Variants in RPRD1A observed in about 807,000 individuals in gnomAD.
RPRD1A encodes the protein regulation of nuclear pre-mRNA domain containing 1A.
In RPRD1A, 9 loss-of-function variants were observed where a neutral mutation model predicts 37.8. The ratio of observed to expected loss-of-function variants is 0.24; its 90% CI spans 0.14 to 0.42. The LOEUF (loss-of-function observed/expected upper bound fraction) is 0.42. Ranked by LOEUF, RPRD1A falls within the 10% of genes least tolerant of loss-of-function variation. The probability of loss-of-function intolerance (pLI) is 1.00; values close to 1 mark genes in which losing one functional copy is unlikely to be tolerated. For synonymous variants in RPRD1A, 138 were observed against 139.7 expected (o/e 0.99, Z 0.08); for missense variants, 255 against 371.0 (o/e 0.69, Z 2.57).
At position 36,030,796 on chromosome 18, in the gene RPRD1A, TA is replaced by T; in HGVS notation, c.486+11del. ...AAAGTTTGTAACTCTTTTAACAGGGTAAAATTTCTACCTGTGGTGGTTCACT... is the reference window on the plus strand; with the variant it reads ...AAAGTTTGTAACTCTTTTAACAGGGTAAATTTCTACCTGTGGTGGTTCACT... On this transcript the variant is annotated intron_variant, in intron 4 of 6. Transcript: ENST00000399022. 1 of 1,552,186 alleles carries T rather than the reference TA, an allele frequency of 6.4e-7. No individual in the cohort carries two copies. The highest frequency in any genetic ancestry group is 8.8e-7 in the Non-Finnish European group (1 of 1,130,346).
At chr18:36,062,180 G>A (rs905613189) in intron 1 of RPRD1A, among the ~76,000 whole-genome samples, 9 of 151,452 alleles carry the variant, frequency 5.9e-5, no homozygotes, top group African/African-American at 1.2e-4. Context: ...AGCCGGGCGC[G>A]GTGGCGGGCG....
chr18:36,015,153 CACACATAT>C (rs1190634875), intron 6 of RPRD1A, among the ~76,000 whole-genome samples: 5 of 108,222 alleles, frequency 4.6e-5, no homozygotes, highest in Admixed American at 9.6e-5. Flanking sequence ...CACACACACA[CACACATAT>C]ATACACATAT....
intron 6 of RPRD1A, among the ~76,000 whole-genome samples, chr18:36,023,716 C>T (rs28705714): frequency 5.6e-4 from 85 of 152,266 alleles, no homozygotes; most frequent in Non-Finnish European, 9.4e-4. Flanking sequence ...CAATCACCAC[C>T]CTAATCAGTC....
At position 36,024,468 on chromosome 18, in the gene RPRD1A, G is replaced by T. The variant is rs567310839; in HGVS notation, c.789+2432C>A. Reference sequence around the variant, plus strand: ...ACCACACCCGGCCCAACAGTTATCTGCTTCTGCTTAGTAACCAACTATAGT... The same window carrying T: ...ACCACACCCGGCCCAACAGTTATCTTCTTCTGCTTAGTAACCAACTATAGT... On this transcript the variant is annotated intron_variant, in intron 6 of 6. Transcript: ENST00000399022. Among the ~76,000 whole-genome samples the T allele has an allele frequency of 7.9e-5, 12 of 152,036 alleles. No homozygotes were observed. In the South Asian group the frequency reaches 2.5e-3, roughly 32 times the overall value.
At position 36,027,299 on chromosome 18, in the gene RPRD1A, G is replaced by A. The variant is rs759905404; in HGVS notation, c.498C>T (p.Leu166=). 37 of 1,613,552 alleles carry A rather than the reference G, an allele frequency of 2.3e-5. No homozygotes were observed. The East Asian group carries it at 6.2e-4, about 27-fold the overall frequency. ...SPSEPPQTLD[L]VRALQDLENA... ...TTTCCAGATCTTGTAATGCTCTAAC[G>A]AGATCTAGAGTCTAAAAAGTACACA... Residue 166 remains leucine (L), a synonymous_variant, in exon 5 of 7, where the codon CTC becomes CTT. Coordinates refer to ENST00000399022, the MANE Select transcript of RPRD1A (RefSeq NM_018170.5).
chr18:36,025,369 T>G (rs1026428818), intron 6 of RPRD1A: 1 of 299,694 alleles, frequency 3.3e-6, no homozygotes, highest in South Asian at 3.1e-5. Flanking sequence ...ATTATTATCA[T>G]CAGCCTCATA....
intron 6 of RPRD1A, among the ~76,000 whole-genome samples, chr18:36,014,738 G>A (rs1301624568): frequency 3.9e-5 from 6 of 152,052 alleles, no homozygotes; most frequent in Non-Finnish European, 5.9e-5. Flanking sequence ...GCGAGACTCC[G>A]TCTCAAGAAA....
intron 1 of RPRD1A, among the ~76,000 whole-genome samples, chr18:36,065,394 G>A (rs574281769): frequency 3.9e-5 from 6 of 152,182 alleles, no homozygotes; most frequent in South Asian, 2.1e-4. Flanking sequence ...AGAACTTTTC[G>A]ATAGTATTAC....
chr18:36,030,664 T>G (rs946048504), intron 4 of RPRD1A, 144 bp downstream of exon 4: 2 of 585,128 alleles, frequency 3.4e-6, no homozygotes, highest in African/African-American at 3.7e-5. Flanking sequence ...AATTTGTTAA[T>G]GAGGAAGAGA....
At chr18:36,019,681 G>A (rs1243936755) in intron 6 of RPRD1A, among the ~76,000 whole-genome samples, 2 of 152,168 alleles carry the variant, frequency 1.3e-5, no homozygotes, top group Non-Finnish European at 2.9e-5. Context: ...AAATAATAAA[G>A]CAATTTACAC....
At chr18:36,019,597 T>C (rs929366234) in intron 6 of RPRD1A, among the ~76,000 whole-genome samples, 1 of 152,196 alleles carries the variant, frequency 6.6e-6, no homozygotes, top group African/African-American at 2.4e-5. Flanking sequence ...TCTACTTAAT[T>C]AAGACATAAA....
At chr18:36,039,901 T>C (rs1422276391) in intron 1 of RPRD1A, among the ~76,000 whole-genome samples, 1 of 151,926 alleles carries the variant, frequency 6.6e-6, no homozygotes, top group African/African-American at 2.4e-5. Context: ...AACAGAAATA[T>C]ATGCACATGT....
rs571949432 is a variant in RPRD1A, at chr18:36,018,154, A to C, written c.789+8746T>G. On this transcript the variant is annotated intron_variant, in intron 6 of 6. Coordinates refer to ENST00000399022, the MANE Select transcript of RPRD1A (RefSeq NM_018170.5). ...TGATTTAACCAATTATGTTGGATAT[A>C]ATTTTATTCAAAATCCTCAAGTGTC... Among the ~76,000 whole-genome samples, 4 of 152,188 alleles carry C rather than the reference A, an allele frequency of 2.6e-5. No homozygotes were observed. In the East Asian group the frequency reaches 7.8e-4, roughly 30 times the overall value.
At chr18:36,047,305 A>T (rs1055330609) in intron 1 of RPRD1A, among the ~76,000 whole-genome samples, 3 of 152,116 alleles carry the variant, frequency 2.0e-5, no homozygotes, top group African/African-American at 7.2e-5. Flanking sequence ...ACATAACAAA[A>T]ATCTGTGGGG....
At chr18:35,995,415 G>A (rs1908986433) in intron 6 of RPRD1A, among the ~76,000 whole-genome samples, 1 of 151,806 alleles carries the variant, frequency 6.6e-6, no homozygotes, top group African/African-American at 2.4e-5. Context: ...ACAGGCATGT[G>A]TCACCACACC....
chr18:36,025,023 C>T (rs1911264397), intron 6 of RPRD1A: 1 of 152,086 alleles, frequency 6.6e-6, no homozygotes, highest in Non-Finnish European at 1.5e-5. Flanking sequence ...AAAAAAAGTT[C>T]CTAGAAGGCT....
At chr18:36,051,511 G>GA (rs981789453) in intron 1 of RPRD1A, among the ~76,000 whole-genome samples, 2 of 151,896 alleles carry the variant, frequency 1.3e-5, no homozygotes, top group Non-Finnish European at 2.9e-5. Context: ...AGTTCTAAAA[G>GA]AAAAAAACAA....
chr18:36,008,577 G>GTGTGTATATGTATATATATATATATATA lies in RPRD1A; in HGVS notation c.790-15278_790-15277insTATATATATATATATATACATATACACA. On this transcript the variant is annotated intron_variant, in intron 6 of 6. Coordinates refer to ENST00000399022, the MANE Select transcript of RPRD1A (RefSeq NM_018170.5). ...GGCGACACAGCAAGACCTTGTGTGT[G>GTGTGTATATGTATATATATATATATATA]TATATATATATATCTTTAAAAATCT... is the stretch of plus-strand genomic sequence containing the variant. Among the ~76,000 whole-genome samples the GTGTGTATATGTATATATATATATATATA allele has an allele frequency of 4.8e-4, 23 of 47,794 alleles. 1 individual carries two copies. The Admixed American group carries it at 5.3e-3, about 11-fold the overall frequency. 31.4% of individuals were successfully genotyped at this position (47,794 alleles called of 152,430 possible).
intron 6 of RPRD1A, among the ~76,000 whole-genome samples, chr18:36,015,167 C>CAT (rs1183932261): frequency 3.5e-4 from 34 of 97,848 alleles, no homozygotes; most frequent in South Asian, 2.0e-3. Context: ...CATATATACA[C>CAT]ATATATACAC....
Sources: gnomAD v4.1 joint callset for allele counts (sites outside exome capture counted in the v4.1 genomes callset) on GRCh38, gnomAD v4.1.1 for gene constraint, MANE v1.5 for transcripts, NCBI Gene and HGNC (gene_info 2026-07-23, HGNC 2026-07-21) for gene names.